SRPK1: variants seen among roughly 807,000 people sequenced by gnomAD.
The protein encoded by SRPK1 is SFRS protein kinase 1.
In SRPK1, 52 loss-of-function variants were observed where a neutral mutation model predicts 89.5. The observed-to-expected ratio is 0.58, with a 90% confidence interval of 0.46 to 0.73. SRPK1 has a LOEUF of 0.73. SRPK1 is among the 30% of genes least tolerant of loss of function. SRPK1 has a pLI of 0.00. For missense variants in SRPK1, 603 were observed against 780.6 expected, an observed-to-expected ratio of 0.77 and a Z score of 2.71; for synonymous variants, 255 against 270.2, an observed-to-expected ratio of 0.94 and a Z score of 0.55.
intron 2 of SRPK1, chr6:35,904,988 GA>G (rs749680385): frequency 4.2e-4 from 178 of 421,978 alleles, no homozygotes; most frequent in East Asian, 9.9e-4. Context: ...CAAAAGAAAA[GA>G]AAAAAAAAAT....
intron 2 of SRPK1, among the ~76,000 whole-genome samples, chr6:35,901,511 A>C (rs1770738257): frequency 6.6e-6 from 1 of 152,170 alleles, no homozygotes; most frequent in Non-Finnish European, 1.5e-5. Flanking sequence ...TGAGATAATA[A>C]ATTTCTGTTG....
In SRPK1 at chr6:35,870,383, C is replaced by T. The variant is rs201655486; in HGVS notation, c.889G>A (p.Gly297Ser). The T allele has an allele frequency of 6.2e-5, 99 of 1,600,318 alleles. No homozygotes were observed. Among genetic ancestry groups the T allele is most frequent in the Middle Eastern group, 1.6e-4 (1 of 6,064 alleles). The change falls in exon 10 of 16, where the codon GGC becomes AGC. Residue 297 changes from glycine to serine, a missense_variant. Gly to Ser is a moderately conservative substitution (Grantham distance 56). Coordinates refer to ENST00000373825, the MANE Select transcript of SRPK1 (RefSeq NM_003137.5). The part of the protein sequence containing the change: ...QEIEEMEKES[G>S]PGQKRPNKQE... ...TTGTTTGGTCTTTTTTGCCCAGGGC[C>T]CGACTCTTTCTCCATTTCCTCAATT...
chr6:35,908,595 C>CGAA (rs1191661387), intron 2 of SRPK1, among the ~76,000 whole-genome samples: 9 of 152,130 alleles, frequency 5.9e-5, no homozygotes, highest in African/African-American at 1.9e-4. Flanking sequence ...AGAAAGAAAT[C>CGAA]ATTTGAAATT....
chr6:35,892,603 A>T (rs1319657802), intron 2 of SRPK1, among the ~76,000 whole-genome samples: 1 of 151,884 alleles, frequency 6.6e-6, no homozygotes. Context: ...AGTGAGCCGA[A>T]ATCGCGTCGT....
rs557629675 is a variant in SRPK1 at position 35,880,129 on chromosome 6, G to C, written c.479-5790C>G. 4.2e-5 allele frequency among the ~76,000 whole-genome samples: 6 copies of C among 142,850 alleles called. No individual in the cohort carries two copies. In the East Asian group the frequency reaches 8.1e-4, roughly 19 times the overall value. The allele number at this position is 142,850 out of a possible 152,430, so 93.7% of individuals were successfully genotyped here. On this transcript the variant is annotated intron_variant, in intron 6 of 15. Coordinates refer to ENST00000373825, the MANE Select transcript of SRPK1 (RefSeq NM_003137.5). ...AAAAGGAAGATGTGGAGAAAGTCAA[G>C]AAAACAATATATAAACAAAACGGAG...
chr6:35,843,038 G>A (rs534961410), intron 13 of SRPK1, among the ~76,000 whole-genome samples: 1 of 150,122 alleles, frequency 6.7e-6, no homozygotes, highest in Non-Finnish European at 1.5e-5. Context: ...GCACGGTCTC[G>A]GCTCACTGCA....
chr6:35,880,076 GAA>G (rs34517286), intron 6 of SRPK1, among the ~76,000 whole-genome samples: 1 of 95,836 alleles, frequency 1.0e-5, no homozygotes, highest in African/African-American at 3.9e-5. Context: ...CCTTGTCTCA[GAA>G]AAAAAAAAAA....
intron 12 of SRPK1, among the ~76,000 whole-genome samples, chr6:35,863,433 G>A (rs1582002441): frequency 6.8e-6 from 1 of 147,956 alleles, no homozygotes; most frequent in South Asian, 2.1e-4. Flanking sequence ...TTTCTACCTG[G>A]GCAACAGAGA....
chr6:35,911,117 T>C, intron 2 of SRPK1, among the ~76,000 whole-genome samples: 1 of 152,232 alleles, frequency 6.6e-6, no homozygotes, highest in Non-Finnish European at 1.5e-5. Flanking sequence ...ACCATAGTGA[T>C]TCCTCTGATG....
chr6:35,872,858 T>A, intron 7 of SRPK1, 130 bp from the exon 8 acceptor site: 1 of 831,650 alleles, frequency 1.2e-6, no homozygotes, highest in South Asian at 2.2e-5. Context: ...TAAAAGCACC[T>A]TTTAAAAAAG....
At chr6:35,904,936 G>A (rs1479192169) in intron 2 of SRPK1, 1 of 431,146 alleles carries the variant, frequency 2.3e-6, no homozygotes, top group South Asian at 1.6e-5. Context: ...GAGGCCAGGA[G>A]TTCAAGACCA....
intron 1 of SRPK1, 75 bp downstream of exon 1, chr6:35,920,969 G>T (rs1022293878): frequency 2.0e-6 from 3 of 1,491,832 alleles, no homozygotes; most frequent in Non-Finnish European, 2.7e-6. Context: ...GCAGTTAAGC[G>T]AAGCTCCCGG....
chr6:35,850,235 T>C (rs750680154), intron 13 of SRPK1, among the ~76,000 whole-genome samples: 1 of 152,212 alleles, frequency 6.6e-6, no homozygotes, highest in Non-Finnish European at 1.5e-5. Context: ...GAAGGTGGCT[T>C]TGAAACTCAT....
intron 1 of SRPK1, chr6:35,920,779 A>G (rs2127274594): frequency 2.7e-6 from 1 of 373,428 alleles, no homozygotes; most frequent in South Asian, 8.8e-5. Flanking sequence ...TCGCCCGCCA[A>G]GGGCCGGGCC....
chr6:35,867,502 A>G (rs1418536486), intron 12 of SRPK1, among the ~76,000 whole-genome samples: 1 of 152,192 alleles, frequency 6.6e-6, no homozygotes, highest in Non-Finnish European at 1.5e-5. Flanking sequence ...TCTATTATAA[A>G]TTTTAAAAAG....
chr6:35,839,462 T>G (rs1738074464), intron 14 of SRPK1, among the ~76,000 whole-genome samples: 1 of 152,246 alleles, frequency 6.6e-6, no homozygotes, highest in Non-Finnish European at 1.5e-5. Flanking sequence ...CTAAAATCAC[T>G]TTTTAAAAGT....
intron 10 of SRPK1, 105 bp from the exon 11 acceptor site, chr6:35,870,006 G>A: frequency 7.7e-7 from 1 of 1,302,200 alleles, no homozygotes; most frequent in Non-Finnish European, 1.0e-6. Context: ...TATACTGAGT[G>A]ACATAAAAAC....
chr6:35,891,405 C>G (rs576185100), intron 2 of SRPK1, among the ~76,000 whole-genome samples: 1 of 152,008 alleles, frequency 6.6e-6, no homozygotes, highest in Non-Finnish European at 1.5e-5. Flanking sequence ...TTTTTCATTT[C>G]TATGAAATCT....
rs78348855 is a variant in SRPK1, at chr6:35,898,171, C to T, written c.75-7158G>A. Among the ~76,000 whole-genome samples the T allele has an allele frequency of 1.2e-3, 177 of 152,298 alleles. 4 individuals carry two copies. In the East Asian group the frequency reaches 0.024, roughly 21 times the overall value. On this transcript the variant is annotated intron_variant, in intron 2 of 15. Coordinates refer to ENST00000373825, the MANE Select transcript of SRPK1 (RefSeq NM_003137.5). ...GATAAAGAAAAATGTCGCATCTATA[C>T]ACCATGGAATACCACTCTGCCATGA... is the stretch of plus-strand genomic sequence containing the variant.
Sources: allele counts gnomAD v4.1 joint callset (sites outside exome capture counted in the v4.1 genomes callset), GRCh38; gene constraint gnomAD v4.1.1; transcripts MANE v1.5; gene names NCBI Gene and HGNC (gene_info 2026-07-23, HGNC 2026-07-21).